The following VPS13C variants were observed in gnomAD, a reference collection of about 807,000 sequenced individuals.
VPS13C encodes intermembrane lipid transfer protein VPS13C.
VPS13C carries 358 observed loss-of-function variants against 456.8 expected under a neutral mutation model. That is an observed-to-expected ratio of 0.78 (90% CI 0.72 to 0.86). The LOEUF is 0.86. VPS13C is among the 40% of genes least tolerant of loss of function. VPS13C has a pLI of 0.00. For missense variants in VPS13C, 4,818 were observed against 4,385.4 expected, an observed-to-expected ratio of 1.10 and a Z score of -2.79; for synonymous variants, 1,578 against 1,486.7, an observed-to-expected ratio of 1.06 and a Z score of -1.41.
chr15:62,050,572 T>G (rs556962334), intron 1 of VPS13C, among the ~76,000 whole-genome samples: 154 of 152,308 alleles, frequency 1.0e-3, no homozygotes, highest in African/African-American at 3.6e-3. Context: ...CCAAGGCGAT[T>G]GGATCACTTG....
At chr15:62,031,797 T>C (rs1380128462) in intron 5 of VPS13C, among the ~76,000 whole-genome samples, 1 of 151,916 alleles carries the variant, frequency 6.6e-6, no homozygotes, top group Non-Finnish European at 1.5e-5. Flanking sequence ...ATAGCCTCTT[T>C]GTCAGACCCA....
intron 45 of VPS13C, among the ~76,000 whole-genome samples, chr15:61,945,277 C>T (rs1389691936): frequency 6.6e-6 from 1 of 152,158 alleles, no homozygotes; most frequent in Non-Finnish European, 1.5e-5. Flanking sequence ...ATGACAGTTA[C>T]ATGGAAATAA....
In VPS13C at chr15:61,951,015, C is replaced by A; in HGVS notation, c.4466G>T (p.Gly1489Val). 6.3e-7 allele frequency: 1 copy of A among 1,589,860 alleles called. No individual in the cohort carries two copies. The change falls in exon 40 of 85, where the codon GGG becomes GTG. Residue 1489 changes from glycine (G) to valine (V), a missense_variant. By Grantham distance (109) the Gly-to-Val change is moderately radical. This residue lies in a region of VPS13C where 4,552 missense variants were observed against 4,130.6 expected (regional missense o/e 1.10). Coordinates refer to ENST00000644861, the MANE Select transcript of VPS13C (RefSeq NM_020821.3). Reference protein sequence around the residue: ...MQCFDFTDSKGEPLHIINSSN... With the variant: ...MQCFDFTDSKVEPLHIINSSN... ...AGAGTTAATAATGTGAAGAGGTTCC[C>A]CTTTAGAGTCTAAAAGAGAAAAAAG...
Position 61,927,080 on chromosome 15 carries a change from G to T in VPS13C, c.6516+11C>A. On this transcript the variant is annotated intron_variant, in intron 52 of 84. Coordinates refer to ENST00000644861, the MANE Select transcript of VPS13C (RefSeq NM_020821.3). ...CTTCAACCCAAGATTAGGACACAAG[G>T]TAATTCTTACTGTGGTAATGTTTTT... The T allele has an allele frequency of 6.2e-7, 1 of 1,610,972 alleles. No homozygotes were observed. Among genetic ancestry groups the T allele is most frequent in the Non-Finnish European group, 8.5e-7 (1 of 1,177,470 alleles).
chr15:62,015,227 T>C (rs1368437907), intron 9 of VPS13C, among the ~76,000 whole-genome samples: 1 of 152,146 alleles, frequency 6.6e-6, no homozygotes, highest in Non-Finnish European at 1.5e-5. Context: ...ACTGTATACT[T>C]GTTTTTGTCG....
At chr15:61,876,035 T>C (rs1413743911) in intron 75 of VPS13C, among the ~76,000 whole-genome samples, 190 bp from the exon 76 acceptor site, 3 of 152,036 alleles carry the variant, frequency 2.0e-5, no homozygotes, top group African/African-American at 7.2e-5. Context: ...TTAAACAGCT[T>C]TTAAATTAGA....
In VPS13C at chr15:61,853,901, G is replaced by C. The variant is rs1020613422; in HGVS notation, c.*556C>G. 6.6e-6 allele frequency: 1 copy of C among 151,588 alleles called. No homozygotes were observed. Among genetic ancestry groups the C allele is most frequent in the Non-Finnish European group, 1.5e-5 (1 of 68,192 alleles). 9.4% of individuals were successfully genotyped at this position (151,588 alleles called of 1,614,324 possible). On this transcript the variant is annotated 3_prime_UTR_variant, in exon 85 of 85. Coordinates refer to ENST00000644861, the MANE Select transcript of VPS13C (RefSeq NM_020821.3). ...TACAAAAAAAAAAAAAATTACCCAG[G>C]CGTGGTGGCACACACCTGTAATCCC...
intron 2 of VPS13C, among the ~76,000 whole-genome samples, chr15:62,042,949 TTTA>T (rs2048289182): frequency 6.6e-6 from 1 of 150,404 alleles, no homozygotes; most frequent in Non-Finnish European, 1.5e-5. Context: ...TACAAAATAG[TTTA>T]TTATATTTAA....
At chr15:61,903,675 A>G (rs1205727863) in intron 66 of VPS13C, among the ~76,000 whole-genome samples, 1 of 152,236 alleles carries the variant, frequency 6.6e-6, no homozygotes, top group East Asian at 1.9e-4. Flanking sequence ...TGGAACCTGA[A>G]TAGCCAAAGT....
chr15:61,915,824 C>G lies in VPS13C; in HGVS notation c.8254G>C (p.Asp2752His). The change falls in exon 61 of 85, where the codon GAC (aspartate) becomes CAC (histidine). Residue 2752 changes from aspartate to histidine, a missense_variant. Transcript: ENST00000644861. ...SSDSTEVTTV[D>H]LSVHVRRIGS... is the part of the protein sequence containing the mutation. ...ATTCTCCTGACGTGGACTGACAGGTCGACTGTCGTCACTTCTGTGGAGTCA... is the reference window on the plus strand; with the variant it reads ...ATTCTCCTGACGTGGACTGACAGGTGGACTGTCGTCACTTCTGTGGAGTCA... 1 of 1,613,898 alleles carries G rather than the reference C, an allele frequency of 6.2e-7. No individual in the cohort carries two copies. The highest frequency in any genetic ancestry group is 8.5e-7 in the Non-Finnish European group (1 of 1,179,986).
rs990788777 is a variant in VPS13C, at chr15:61,875,792, T to C, written c.10278A>G (p.Pro3426=). Residue 3426 remains proline, a synonymous_variant, in exon 76 of 85, where the codon CCA becomes CCG. Coordinates refer to ENST00000644861, the MANE Select transcript of VPS13C (RefSeq NM_020821.3). ...LVLGLDVLGN[P]FGLIRGLSEG... is the part of the protein sequence containing the mutation. ...CAGACAGACCTCTAATTAATCCAAATGGGTTTCCAAGTACATCTAACCCCA... is the reference window on the plus strand; with the variant it reads ...CAGACAGACCTCTAATTAATCCAAACGGGTTTCCAAGTACATCTAACCCCA... The C allele has an allele frequency of 6.2e-7, 1 of 1,608,740 alleles. No homozygotes were observed. Among genetic ancestry groups the C allele is most frequent in the Non-Finnish European group, 8.5e-7 (1 of 1,178,176 alleles).
In VPS13C at chr15:61,872,014, A is replaced by G; in HGVS notation, c.10599T>C (p.Thr3533=). 1.2e-6 allele frequency: 2 copies of G among 1,612,648 alleles called. No homozygotes were observed. The highest frequency in any genetic ancestry group is 1.7e-6 in the Non-Finnish European group (2 of 1,179,196). ...GFLRGVVGGV[T]GIITKPVEGA... Reference sequence around the variant, plus strand: ...CTTCCACAGGTTTTGTTATTATTCCAGTCACTCCACCAACAACTCCCTGAA... The same window carrying G: ...CTTCCACAGGTTTTGTTATTATTCCGGTCACTCCACCAACAACTCCCTGAA... Residue 3533 remains threonine, a synonymous_variant, in exon 79 of 85, where the codon ACT becomes ACC. Transcript: ENST00000644861.
At chr15:61,942,829 T>G (rs1204801822) in intron 45 of VPS13C, among the ~76,000 whole-genome samples, 2 of 152,088 alleles carry the variant, frequency 1.3e-5, no homozygotes, top group East Asian at 3.9e-4. Flanking sequence ...TAGAAATGCA[T>G]GCTTTTAAGG....
chr15:61,911,690 A>T, intron 63 of VPS13C, 150 bp downstream of exon 63: 1 of 807,010 alleles, frequency 1.2e-6, no homozygotes, highest in Non-Finnish European at 1.8e-6. Context: ...TTTTTTAAAA[A>T]TATAGTAAGA....
intron 15 of VPS13C, among the ~76,000 whole-genome samples, chr15:62,001,470 T>G (rs147330999): frequency 1.3e-5 from 2 of 152,328 alleles, no homozygotes; most frequent in East Asian, 3.9e-4. Context: ...GTATCCAGTG[T>G]GTTTCTACCT....
chr15:61,916,897 T>G (rs968372878), intron 60 of VPS13C, among the ~76,000 whole-genome samples: 3 of 152,176 alleles, frequency 2.0e-5, no homozygotes, highest in East Asian at 1.9e-4. Flanking sequence ...TTTCCTATCT[T>G]TTAGTTAATG....
chr15:62,023,642 A>G lies in VPS13C; in HGVS notation c.515-122T>C, dbSNP rs1181515409. 8 of 1,092,834 alleles carry G rather than the reference A, an allele frequency of 7.3e-6. No homozygotes were observed. In the Admixed American group the frequency reaches 1.3e-4, roughly 18 times the overall value. 67.7% of individuals were successfully genotyped at this position (1,092,834 alleles called of 1,614,324 possible). A position where few individuals can be genotyped will look rare whatever the true frequency, so the allele number is the denominator to read the frequency against. On this transcript the variant is annotated intron_variant, in intron 7 of 84. Transcript: ENST00000644861. ...ATTACAGCCAATAGTGTCTTTATTT[A>G]TATTTTAATATGCATTTCCAACTTA...
chr15:62,042,114 A>G (rs2048261359), intron 2 of VPS13C, among the ~76,000 whole-genome samples: 1 of 152,222 alleles, frequency 6.6e-6, no homozygotes, highest in Non-Finnish European at 1.5e-5. Context: ...ATAAACTTAA[A>G]AATCTTTAAA....
chr15:61,924,187 A>AT (rs1436417066), intron 53 of VPS13C, among the ~76,000 whole-genome samples: 27 of 152,092 alleles, frequency 1.8e-4, no homozygotes, highest in Admixed American at 1.7e-3. Flanking sequence ...ATCTTAAAGG[A>AT]TTTTTTCACA....
Sources: allele counts gnomAD v4.1 joint callset (sites outside exome capture counted in the v4.1 genomes callset), GRCh38; gene constraint gnomAD v4.1.1; regional missense constraint gnomAD v4.1.1; transcripts MANE v1.5; gene names NCBI Gene and HGNC (gene_info 2026-07-23, HGNC 2026-07-21).